Variants in LTBP1 observed in about 807,000 individuals in gnomAD.
LTBP1 encodes latent-transforming growth factor beta-binding protein 1.
Under a neutral mutation model 207.6 loss-of-function variants are expected in LTBP1, and 129 were observed. The ratio of observed to expected loss-of-function variants is 0.62; its 90% CI spans 0.54 to 0.72. LTBP1 has a LOEUF of 0.72. LTBP1 is among the 30% of genes least tolerant of loss of function. The probability of loss-of-function intolerance (pLI) is 0.00; values close to 1 mark genes in which losing one functional copy is unlikely to be tolerated. For synonymous variants in LTBP1, 963 were observed against 833.7 expected (o/e 1.16, Z -2.67); for missense variants, 2,281 against 2,217.2 (o/e 1.03, Z -0.58).
chr2:33,327,096 G>T (rs190288122), intron 24 of LTBP1, among the ~76,000 whole-genome samples: 1 of 152,132 alleles, frequency 6.6e-6, no homozygotes, highest in Non-Finnish European at 1.5e-5. Flanking sequence ...GTGGAGTGGG[G>T]AAAGGAACCA....
intron 10 of LTBP1, among the ~76,000 whole-genome samples, chr2:33,247,236 A>G (rs2092543170): frequency 6.6e-6 from 1 of 152,238 alleles, no homozygotes; most frequent in African/African-American, 2.4e-5. Context: ...GTCATGAGAG[A>G]AAGGGCAAAT....
chr2:33,095,493 A>G (rs2079333938), intron 3 of LTBP1, among the ~76,000 whole-genome samples: 2 of 152,174 alleles, frequency 1.3e-5, no homozygotes, highest in African/African-American at 2.4e-5. Context: ...CAAAATAATT[A>G]ACATTATTTA....
At chr2:33,376,773 A>AT in intron 31 of LTBP1, among the ~76,000 whole-genome samples, 1 of 152,326 alleles carries the variant, frequency 6.6e-6, no homozygotes, top group South Asian at 2.1e-4. Context: ...TAGTAGATCA[A>AT]TAGCTGCCAG....
intron 24 of LTBP1, among the ~76,000 whole-genome samples, chr2:33,330,673 G>C (rs942837984): frequency 6.6e-6 from 1 of 151,460 alleles, no homozygotes; most frequent in African/African-American, 2.4e-5. Context: ...TTTAAAACAA[G>C]ATAAAAATTT....
Position 33,000,675 on chromosome 2 carries a change from T to A in LTBP1, c.566-20234T>A, listed in dbSNP as rs1685958544. ...GCCCAATAAAACCTCATGCCTCATT[T>A]GCTGCCTCCAGATCTCTTCTTGCCA... On this transcript the variant is annotated intron_variant, in intron 2 of 33. Transcript: ENST00000404816. Among the ~76,000 whole-genome samples the A allele has an allele frequency of 1.5e-5, 2 of 134,934 alleles. 1 individual carries two copies. The allele number at this position is 134,934 out of a possible 152,430, so 88.5% of individuals were successfully genotyped here. A position where few individuals can be genotyped will look rare whatever the true frequency, so the allele number is the denominator to read the frequency against.
chr2:33,048,442 T>C (rs2076554217), intron 3 of LTBP1, among the ~76,000 whole-genome samples: 1 of 152,216 alleles, frequency 6.6e-6, no homozygotes, highest in Non-Finnish European at 1.5e-5. Context: ...TAAAGTTAAA[T>C]GTTGACCAGG....
intron 19 of LTBP1, among the ~76,000 whole-genome samples, chr2:33,288,891 A>T (rs1233827868): frequency 1.3e-5 from 2 of 151,794 alleles, no homozygotes; most frequent in South Asian, 4.2e-4. Flanking sequence ...AAGAAGGTGG[A>T]GTCTGGGAAT....
At chr2:33,177,866 TA>T (rs1195688369) in intron 5 of LTBP1, among the ~76,000 whole-genome samples, 1 of 152,214 alleles carries the variant, frequency 6.6e-6, no homozygotes, top group Non-Finnish European at 1.5e-5. Context: ...GGTTAAACTG[TA>T]ATCTGAACAC....
rs115312404 is a variant in LTBP1 at position 32,993,459 on chromosome 2, C to T, written c.566-27450C>T. Among the ~76,000 whole-genome samples the T allele has an allele frequency of 4.9e-3, 741 of 152,284 alleles. 1 individual carries two copies. The highest frequency in any genetic ancestry group is 7.1e-3 in the Non-Finnish European group (485 of 68,036). On this transcript the variant is annotated intron_variant, in intron 2 of 33. Coordinates refer to ENST00000404816, the MANE Select transcript of LTBP1 (RefSeq NM_206943.4). ...CATATATACAAGTTCAATCCAAACACCATCTATTATTTGGTCCTGTTAGTT... is the reference window on the plus strand; with the variant it reads ...CATATATACAAGTTCAATCCAAACATCATCTATTATTTGGTCCTGTTAGTT...
intron 15 of LTBP1, among the ~76,000 whole-genome samples, chr2:33,269,106 C>T (rs1462987715): frequency 5.9e-5 from 4 of 68,134 alleles, no homozygotes; most frequent in Non-Finnish European, 1.2e-4. Flanking sequence ...AGACTCCATT[C>T]ATTCATTCAT....
In LTBP1 at chr2:33,304,954, G is replaced by A. The variant is rs1203602986; in HGVS notation, c.3481+3310G>A. ...TGCCAGACACTGTTCTAGGCATAGG[G>A]CAATAAACCAAACAGAAATTTCTTC... On this transcript the variant is annotated intron_variant, in intron 22 of 33. Coordinates refer to ENST00000404816, the MANE Select transcript of LTBP1 (RefSeq NM_206943.4). 3.9e-5 allele frequency among the ~76,000 whole-genome samples: 6 copies of A among 152,260 alleles called. No homozygotes were observed. In the East Asian group the frequency reaches 1.2e-3, roughly 29 times the overall value.
At chr2:33,203,165 A>G (rs1573155482) in intron 7 of LTBP1, among the ~76,000 whole-genome samples, 1 of 152,210 alleles carries the variant, frequency 6.6e-6, no homozygotes, top group South Asian at 2.1e-4. Context: ...GGTGTCCTAC[A>G]CATCTCACTG....
chr2:33,393,047 G>T (rs908796339), intron 32 of LTBP1, among the ~76,000 whole-genome samples: 19 of 151,394 alleles, frequency 1.3e-4, no homozygotes, highest in African/African-American at 3.9e-4. Context: ...TTTTTTTATG[G>T]TACAAATTTT....
Position 33,110,710 on chromosome 2 carries a change from C to CT in LTBP1, c.995dup (p.Leu332PhefsTer16). On this transcript the variant is annotated frameshift_variant, in exon 4 of 34. Transcript: ENST00000404816. LOFTEE classifies it high-confidence loss of function. The stretch of plus-strand genomic sequence containing the variant: ...GAGCAGTCCACTGAAGGTTCTTTCC[C>CT]TTTAAGATATGTGCAGGATCAAGTT... The CT allele has an allele frequency of 6.2e-7, 1 of 1,614,180 alleles. No homozygotes were observed. The highest frequency in any genetic ancestry group is 8.5e-7 in the Non-Finnish European group (1 of 1,180,028).
intron 2 of LTBP1, among the ~76,000 whole-genome samples, chr2:32,956,024 A>T (rs551909176): frequency 1.2e-4 from 19 of 152,326 alleles, no homozygotes; most frequent in African/African-American, 4.6e-4. Context: ...TTAAGTGTAC[A>T]ATAATAGCAT....
At chr2:33,273,351 T>C (rs1272360553) in intron 15 of LTBP1, among the ~76,000 whole-genome samples, 1 of 152,200 alleles carries the variant, frequency 6.6e-6, no homozygotes, top group African/African-American at 2.4e-5. Context: ...TTGGAAGCTG[T>C]TTTATTAATA....
chr2:33,165,828 CAGTTTT>C (rs2084865324), intron 5 of LTBP1, among the ~76,000 whole-genome samples: 1 of 152,086 alleles, frequency 6.6e-6, no homozygotes, highest in Non-Finnish European at 1.5e-5. Flanking sequence ...AGAAGAAGTA[CAGTTTT>C]AGAAGTGAAT....
At chr2:33,386,529 A>T (rs1033535098) in intron 31 of LTBP1, among the ~76,000 whole-genome samples, 1 of 152,174 alleles carries the variant, frequency 6.6e-6, no homozygotes, top group Admixed American at 6.5e-5. Flanking sequence ...TTCACTTTAT[A>T]AAATAAGTAC....
At chr2:33,328,507 C>T (rs2094456927) in intron 24 of LTBP1, among the ~76,000 whole-genome samples, 1 of 152,110 alleles carries the variant, frequency 6.6e-6, no homozygotes, top group Non-Finnish European at 1.5e-5. Flanking sequence ...TGGTGGAAGG[C>T]AAAGGAAGAG....
Sources: gnomAD v4.1 joint callset for allele counts (sites outside exome capture counted in the v4.1 genomes callset) on GRCh38, gnomAD v4.1.1 for gene constraint, MANE v1.5 for transcripts, NCBI Gene and HGNC (gene_info 2026-07-23, HGNC 2026-07-21) for gene names.